Variants in OR2AK2 observed in about 807,000 individuals in gnomAD.
OR2AK2 encodes olfactory receptor family 2 subfamily AK member 2, also known as olfactory receptor 2AK2.
For synonymous variants in OR2AK2, 139 were observed against 147.2 expected (o/e 0.94, Z 0.40); for missense variants, 392 against 384.1 (o/e 1.02, Z -0.17).
At chr1:247,966,234 C>A in exon 1 of OR2AK2, 1 of 1,613,218 alleles carries the variant, frequency 6.2e-7, no homozygotes, top group Non-Finnish European at 8.5e-7. Context: ...CTCTACTGAA[C>A]CCATTTATCT....
chr1:247,965,506 A>C, exon 1 of OR2AK2: 4 of 1,613,578 alleles, frequency 2.5e-6, no homozygotes, highest in South Asian at 1.1e-5. Flanking sequence ...AGGAAATATC[A>C]TGCTGATCCA....
exon 1 of OR2AK2, chr1:247,965,820 A>C: frequency 1.2e-6 from 2 of 1,612,032 alleles, no homozygotes; most frequent in Non-Finnish European, 1.7e-6. Flanking sequence ...TTGCATGTGC[A>C]TGGGCCAGTG....
exon 1 of OR2AK2, chr1:247,965,722 G>A (rs772506769): frequency 1.3e-6 from 2 of 1,555,762 alleles, no homozygotes; most frequent in African/African-American, 1.4e-5. Flanking sequence ...CCTTCTCCTT[G>A]GTTTTATGTC....
exon 1 of OR2AK2, chr1:247,965,343 A>C: frequency 6.3e-7 from 1 of 1,578,658 alleles, no homozygotes; most frequent in South Asian, 1.2e-5. Context: ...TGAACATTTC[A>C]GATGTCATCT....
At chr1:247,965,407 G>A in exon 1 of OR2AK2, 1 of 1,612,434 alleles carries the variant, frequency 6.2e-7, no homozygotes, top group Non-Finnish European at 8.5e-7. Flanking sequence ...TTTTGGGACA[G>A]ATTTTCTACT....
Position 247,966,084 on chromosome 1 carries a change from AG to A in OR2AK2, c.709del (p.Ala237LeufsTer9), listed in dbSNP as rs1660964880. On this transcript the variant is annotated frameshift_variant, in exon 1 of 1. Coordinates refer to ENST00000366480, the Ensembl canonical transcript of OR2AK2. LOFTEE classifies it low-confidence loss of function (END_TRUNC). ...TGAGCTCAGGAAAAGGACAGGCAAA[AG>A]CTGTTTCCACTTGTTCCTCCCACCT... 2 of 1,614,140 alleles carry A rather than the reference AG, an allele frequency of 1.2e-6. No individual in the cohort carries two copies. Among genetic ancestry groups the A allele is most frequent in the Non-Finnish European group, 1.7e-6 (2 of 1,180,020 alleles).
rs771904525 is a variant in OR2AK2, at chr1:247,966,367, T to A, written c.*28T>A. The A allele has an allele frequency of 3.2e-6, 5 of 1,573,358 alleles. No individual in the cohort carries two copies. In the Admixed American group the frequency reaches 9.7e-5, roughly 31 times the overall value. ...GAGCATTAACAACATAAAAAGCTGT[T>A]CCTGAAAACTATCTGGAAAGATATA... On this transcript the variant is annotated 3_prime_UTR_variant, in exon 1 of 1. Transcript: ENST00000366480.
Position 247,965,333 on chromosome 1 carries a change from T to C in OR2AK2, c.-44T>C. 6.4e-7 allele frequency: 1 copy of C among 1,552,090 alleles called. No individual in the cohort carries two copies. Among genetic ancestry groups the C allele is most frequent in the South Asian group, 1.3e-5 (1 of 79,380 alleles). On this transcript the variant is annotated 5_prime_UTR_variant, in exon 1 of 1. An upstream start codon of the reference 5' UTR is lost. Coordinates refer to ENST00000366480, the Ensembl canonical transcript of OR2AK2. ...CTTAAGGGAAGTCAACATTATTACA[T>C]GAACATTTCAGATGTCATCTCCTTT...
chr1:247,965,655 AT>A lies in OR2AK2; in HGVS notation c.284del (p.Leu95TrpfsTer30). On this transcript the variant is annotated frameshift_variant, in exon 1 of 1. Transcript: ENST00000366480. LOFTEE classifies it low-confidence loss of function (END_TRUNC). The stretch of plus-strand genomic sequence containing the variant: ...TCCTCTCACAGAGTAAGACCATTAG[AT>A]TTTTGGGCTGTGAGATTCAAACGTA... The A allele has an allele frequency of 1.3e-6, 2 of 1,545,542 alleles. No individual in the cohort carries two copies. The highest frequency in any genetic ancestry group is 1.4e-5 in the African/African-American group (1 of 72,648).
exon 1 of OR2AK2, chr1:247,965,788 A>C (rs1243210437): frequency 6.2e-7 from 1 of 1,602,234 alleles, no homozygotes; most frequent in East Asian, 2.2e-5. Context: ...GCTTATGAGC[A>C]AGAAGATCTG....
In OR2AK2 at chr1:247,965,548, C is replaced by T. The variant is rs554813278; in HGVS notation, c.172C>T (p.Pro58Ser). The stretch of plus-strand genomic sequence containing the variant: ...TCGACTGAACACCAGACTCCACACT[C>T]CAATGTACTTTCTGCTCAGTCAGCT... Residue 58 changes from proline to serine, a missense_variant, in exon 1 of 1, where the codon CCA (proline) becomes TCA (serine). Transcript: ENST00000366480. 35 of 1,611,204 alleles carry T rather than the reference C, an allele frequency of 2.2e-5. No individual in the cohort carries two copies. The South Asian group carries it at 3.2e-4, about 15-fold the overall frequency.
At chr1:247,965,990 T>C (rs1368860467) in exon 1 of OR2AK2, 3 of 1,611,842 alleles carry the variant, frequency 1.9e-6, no homozygotes, top group Admixed American at 1.7e-5. Flanking sequence ...AGTGGACTTA[T>C]TATCTTGCTA....
exon 1 of OR2AK2, chr1:247,966,279 G>T (rs1425554052): frequency 6.2e-7 from 1 of 1,613,682 alleles, no homozygotes; most frequent in African/African-American, 1.3e-5. Context: ...CGGGGGCAGT[G>T]AGGAGACTGT....
At position 247,966,132 on chromosome 1, in the gene OR2AK2, T is replaced by A. The variant is rs778016379; in HGVS notation, c.756T>A (p.Tyr252Ter). Residue 252 changes from tyrosine (Y) to a stop codon, truncating the protein, a stop_gained, in exon 1 of 1, where the codon TAT (tyrosine) becomes TAA (stop). Transcript: ENST00000366480. LOFTEE classifies it low-confidence loss of function (END_TRUNC). ...ACCTGATTGTGGCAAGCCTGTTCTA[T>A]GCAACCACTCTCTTTACCTACACAA... The A allele has an allele frequency of 6.2e-7, 1 of 1,614,188 alleles. No homozygotes were observed. The highest frequency in any genetic ancestry group is 8.5e-7 in the Non-Finnish European group (1 of 1,180,038).
At chr1:247,965,892 G>C in exon 1 of OR2AK2, 14 of 1,613,316 alleles carry the variant, frequency 8.7e-6, no homozygotes, top group Non-Finnish European at 1.2e-5. Context: ...GTAGGTCTCG[G>C]CTCATTAACC....
In OR2AK2 at chr1:247,966,239, TTATC is replaced by T; in HGVS notation, c.866_869del (p.Ile289ThrfsTer3). On this transcript the variant is annotated frameshift_variant, in exon 1 of 1. Coordinates refer to ENST00000366480, the Ensembl canonical transcript of OR2AK2. LOFTEE classifies it low-confidence loss of function (END_TRUNC). ...ATTGTCACACCTCTACTGAACCCAT[TTATC>T]TACAGCCTGAGAAATAAGGAAGTGA... 1 of 1,613,346 alleles carries T rather than the reference TTATC, an allele frequency of 6.2e-7. No individual in the cohort carries two copies.
exon 1 of OR2AK2, chr1:247,965,434 T>C (rs1443990296): frequency 6.2e-7 from 1 of 1,613,728 alleles, no homozygotes; most frequent in Non-Finnish European, 8.5e-7. Flanking sequence ...TCTTTTCCAA[T>C]ATGGCTGGAT....
At chr1:247,966,370 T>A in exon 1 of OR2AK2, 1 of 1,568,234 alleles carries the variant, frequency 6.4e-7, no homozygotes. Flanking sequence ...AAGCTGTTCC[T>A]GAAAACTATC....
exon 1 of OR2AK2, chr1:247,965,805 C>T: frequency 1.2e-6 from 2 of 1,608,394 alleles, no homozygotes; most frequent in African/African-American, 2.7e-5. Context: ...TCTGCTGCCT[C>T]ATGGTTGCAT....
Sources: allele counts gnomAD v4.1 joint callset, GRCh38; gene constraint gnomAD v4.1.1; transcripts MANE v1.5; gene names NCBI Gene and HGNC (gene_info 2026-07-23, HGNC 2026-07-21).